CBLB: variants seen among roughly 807,000 people sequenced by gnomAD.
The protein encoded by CBLB is E3 ubiquitin-protein ligase CBL-B.
Under a neutral mutation model 104.9 loss-of-function variants are expected in CBLB, and 31 were observed. That is an observed-to-expected ratio of 0.30 (90% CI 0.22 to 0.40). The LOEUF (loss-of-function observed/expected upper bound fraction) is 0.40, where lower values mean the gene tolerates loss of function less well. Ranked by LOEUF, CBLB falls within the 10% of genes least tolerant of loss-of-function variation. CBLB has a pLI of 1.00. For synonymous variants in CBLB, 440 were observed against 422.6 expected (o/e 1.04, Z -0.51); for missense variants, 1,062 against 1,214.6 (o/e 0.87, Z 1.87).
Position 105,867,581 on chromosome 3 carries a change from G to C in CBLB, c.-4C>G. Reference sequence around the variant, plus strand: ...TGCCATTCATTGAGTTTGCCATCTGGAATTTTAGTTCTTTAAAAGGCAGAT... The same window carrying C: ...TGCCATTCATTGAGTTTGCCATCTGCAATTTTAGTTCTTTAAAAGGCAGAT... On this transcript the variant is annotated 5_prime_UTR_variant, in exon 2 of 19. Transcript: ENST00000394030. 6.2e-7 allele frequency: 1 copy of C among 1,614,004 alleles called. No homozygotes were observed. Among genetic ancestry groups the C allele is most frequent in the Non-Finnish European group, 8.5e-7 (1 of 1,179,954 alleles).
intron 12 of CBLB, among the ~76,000 whole-genome samples, chr3:105,700,475 GAA>G (rs72415879): frequency 1.1e-4 from 16 of 144,758 alleles, no homozygotes; most frequent in African/African-American, 3.8e-4. Context: ...GCTAAAGGGG[GAA>G]AAAAAAAAAC....
chr3:105,826,475 T>C (rs543932323), intron 3 of CBLB, among the ~76,000 whole-genome samples: 1 of 152,340 alleles, frequency 6.6e-6, no homozygotes, highest in African/African-American at 2.4e-5. Context: ...ATCATTCATG[T>C]GCATTTTAAA....
intron 3 of CBLB, among the ~76,000 whole-genome samples, chr3:105,799,901 T>A (rs1229128331): frequency 6.6e-6 from 1 of 152,222 alleles, no homozygotes; most frequent in African/African-American, 2.4e-5. Flanking sequence ...TGGATCTTAG[T>A]CATGTCCTTT....
chr3:105,795,588 A>C (rs1465610248), intron 3 of CBLB, among the ~76,000 whole-genome samples: 1 of 152,200 alleles, frequency 6.6e-6, no homozygotes, highest in African/African-American at 2.4e-5. Context: ...TCATGACCAC[A>C]GGAGAGGAAC....
intron 12 of CBLB, among the ~76,000 whole-genome samples, chr3:105,701,473 A>G (rs776609606): frequency 5.9e-5 from 9 of 152,324 alleles, no homozygotes; most frequent in Non-Finnish European, 1.3e-4. Context: ...TGTTAAAAAT[A>G]CCGTGCTGGC....
At chr3:105,735,299 C>A (rs953621457) in intron 8 of CBLB, among the ~76,000 whole-genome samples, 1 of 151,804 alleles carries the variant, frequency 6.6e-6, no homozygotes, top group African/African-American at 2.4e-5. Context: ...AGGAAAGAGA[C>A]GAGAGAATGC....
chr3:105,811,174 T>C (rs1433411001), intron 3 of CBLB, among the ~76,000 whole-genome samples: 2 of 152,212 alleles, frequency 1.3e-5, no homozygotes, highest in African/African-American at 2.4e-5. Flanking sequence ...AGTAGGATTT[T>C]AATTCTAATT....
intron 6 of CBLB, among the ~76,000 whole-genome samples, chr3:105,743,545 T>C (rs2075819385): frequency 6.6e-6 from 1 of 151,850 alleles, no homozygotes; most frequent in Non-Finnish European, 1.5e-5. Context: ...TAGGGTTCAA[T>C]GCCACTCTTG....
chr3:105,760,295 T>A (rs1238184599), intron 4 of CBLB, among the ~76,000 whole-genome samples: 1 of 152,198 alleles, frequency 6.6e-6, no homozygotes. Flanking sequence ...TCCATAATAA[T>A]GTGTAAAAAT....
intron 12 of CBLB, among the ~76,000 whole-genome samples, chr3:105,697,772 T>A (rs6800344): frequency 0.46 from 70,245 of 152,000 alleles, 16,763 homozygotes; most frequent in East Asian, 0.74. Flanking sequence ...CACCGTAAGT[T>A]ACATGACCAG....
intron 4 of CBLB, among the ~76,000 whole-genome samples, chr3:105,774,429 A>G (rs1279461874): frequency 6.6e-6 from 1 of 152,256 alleles, no homozygotes; most frequent in Non-Finnish European, 1.5e-5. Flanking sequence ...ATTAATTTGT[A>G]TGACTATGGT....
chr3:105,794,236 T>C (rs1044295481), intron 3 of CBLB, among the ~76,000 whole-genome samples: 1 of 152,194 alleles, frequency 6.6e-6, no homozygotes, highest in African/African-American at 2.4e-5. Context: ...TGACAACTGT[T>C]ACCATGTAAA....
At chr3:105,797,811 G>T (rs1268919710) in intron 3 of CBLB, among the ~76,000 whole-genome samples, 1 of 152,114 alleles carries the variant, frequency 6.6e-6, no homozygotes, top group African/African-American at 2.4e-5. Flanking sequence ...GCTTTTCATG[G>T]GTGTGAATTT....
intron 3 of CBLB, among the ~76,000 whole-genome samples, chr3:105,830,371 G>T (rs1444916146): frequency 1.3e-5 from 2 of 152,104 alleles, no homozygotes; most frequent in Non-Finnish European, 2.9e-5. Context: ...TTCCTTTGTT[G>T]TATGTAATAA....
intron 18 of CBLB, among the ~76,000 whole-genome samples, chr3:105,666,811 GA>G (rs2064520547): frequency 6.6e-6 from 1 of 152,144 alleles, no homozygotes; most frequent in Admixed American, 6.6e-5. Flanking sequence ...GATTTGTAAG[GA>G]AAACAACTCT....
intron 18 of CBLB, among the ~76,000 whole-genome samples, chr3:105,668,292 T>C (rs2064692909): frequency 6.6e-6 from 1 of 152,150 alleles, no homozygotes; most frequent in Non-Finnish European, 1.5e-5. Context: ...CTAATAGGGA[T>C]TCATACTGCT....
intron 3 of CBLB, among the ~76,000 whole-genome samples, chr3:105,790,826 T>C (rs1420929740): frequency 6.6e-6 from 1 of 152,130 alleles, no homozygotes; most frequent in African/African-American, 2.4e-5. Flanking sequence ...ATAGAAGTGA[T>C]GTGTATTCAG....
intron 3 of CBLB, among the ~76,000 whole-genome samples, chr3:105,781,948 T>C (rs2080312172): frequency 6.6e-6 from 1 of 152,190 alleles, no homozygotes. Flanking sequence ...CAGTGGTGCT[T>C]AAAATGAAAC....
intron 3 of CBLB, among the ~76,000 whole-genome samples, chr3:105,783,094 T>C (rs1021005446): frequency 5.3e-5 from 8 of 152,232 alleles, no homozygotes; most frequent in Non-Finnish European, 8.8e-5. Flanking sequence ...ATATTCAAAA[T>C]ATATTCTGAT....
Sources: gnomAD v4.1 joint callset for allele counts (sites outside exome capture counted in the v4.1 genomes callset) on GRCh38, gnomAD v4.1.1 for gene constraint, MANE v1.5 for transcripts, NCBI Gene and HGNC (gene_info 2026-07-23, HGNC 2026-07-21) for gene names.